QTMAN: variants seen among roughly 807,000 people sequenced by gnomAD.
QTMAN encodes queuosine-tRNA mannosyltransferase.
chr2:144,320,798 C>CA, the QTMAN span, among the ~76,000 whole-genome samples: 1 of 152,182 alleles, frequency 6.6e-6, no homozygotes, highest in African/African-American at 2.4e-5. Flanking sequence ...AGCCATCCTG[C>CA]ATGGTGGATT....
chr2:144,155,403 A>G, the QTMAN span, among the ~76,000 whole-genome samples: 1 of 152,202 alleles, frequency 6.6e-6, no homozygotes, highest in Non-Finnish European at 1.5e-5. Flanking sequence ...GGAACACTTC[A>G]TATGGTGTTT....
At chr2:144,171,389 G>C in the QTMAN span, among the ~76,000 whole-genome samples, 6 of 152,176 alleles carry the variant, frequency 3.9e-5, no homozygotes, top group South Asian at 1.2e-3. Flanking sequence ...TATGTCTTTT[G>C]TTTCTAATGC....
At chr2:144,189,440 A>G in the QTMAN span, among the ~76,000 whole-genome samples, 2 of 152,226 alleles carry the variant, frequency 1.3e-5, no homozygotes. Context: ...AATAACAACT[A>G]AGTGACTACA....
chr2:144,223,654 CTT>C, the QTMAN span, among the ~76,000 whole-genome samples: 1 of 152,084 alleles, frequency 6.6e-6, no homozygotes, highest in African/African-American at 2.4e-5. Flanking sequence ...CAATTATAGA[CTT>C]AAGATTTCTA....
chr2:143,987,549 C>A, the QTMAN span, among the ~76,000 whole-genome samples: 1 of 152,162 alleles, frequency 6.6e-6, no homozygotes, highest in East Asian at 1.9e-4. Flanking sequence ...ACTGCAATGA[C>A]TGGGGAGTTC....
the QTMAN span, among the ~76,000 whole-genome samples, chr2:144,019,966 C>T: frequency 6.6e-6 from 1 of 152,240 alleles, no homozygotes; most frequent in Middle Eastern, 3.4e-3. Flanking sequence ...AGTCAACAAG[C>T]GCTGTCTCTG....
chr2:143,976,220 C>T, the QTMAN span, among the ~76,000 whole-genome samples: 1 of 151,580 alleles, frequency 6.6e-6, no homozygotes, highest in Non-Finnish European at 1.5e-5. Flanking sequence ...AGAGGAAAAA[C>T]AGAGTTGGTG....
chr2:144,172,936 C>T, the QTMAN span, among the ~76,000 whole-genome samples: 1 of 152,050 alleles, frequency 6.6e-6, no homozygotes, highest in African/African-American at 2.4e-5. Flanking sequence ...AAGCTTCTTG[C>T]TTCTTTTCAA....
At chr2:144,249,256 CTCTT>C in the QTMAN span, among the ~76,000 whole-genome samples, 1 of 152,136 alleles carries the variant, frequency 6.6e-6, no homozygotes, top group Non-Finnish European at 1.5e-5. Context: ...AAAGGATTAA[CTCTT>C]TTCTGTATGA....
At chr2:144,162,671 G>A in the QTMAN span, among the ~76,000 whole-genome samples, 4 of 152,132 alleles carry the variant, frequency 2.6e-5, no homozygotes, top group African/African-American at 9.7e-5. Context: ...TGATCTCATG[G>A]CAACTGGCAA....
the QTMAN span, among the ~76,000 whole-genome samples, chr2:144,204,937 G>C: frequency 7.6e-6 from 1 of 131,978 alleles, no homozygotes; most frequent in African/African-American, 2.9e-5. Context: ...GGTGGGAATT[G>C]AACAATGAGA....
the QTMAN span, among the ~76,000 whole-genome samples, chr2:144,280,293 T>C: frequency 5.3e-5 from 8 of 152,152 alleles, no homozygotes; most frequent in Admixed American, 1.3e-4. Context: ...AATCCACCCA[T>C]ATACAGAAAT....
chr2:144,062,229 C>T, the QTMAN span, among the ~76,000 whole-genome samples: 1 of 152,216 alleles, frequency 6.6e-6, no homozygotes, highest in African/African-American at 2.4e-5. Context: ...ACTCACCCCG[C>T]CTCCTGCACC....
the QTMAN span, among the ~76,000 whole-genome samples, chr2:143,973,880 G>A: frequency 1.5e-3 from 225 of 152,050 alleles, no homozygotes; most frequent in African/African-American, 5.4e-3. Flanking sequence ...ATCAAGGCAC[G>A]GATGACATTC....
the QTMAN span, among the ~76,000 whole-genome samples, chr2:144,275,493 T>A: frequency 6.6e-6 from 1 of 152,112 alleles, no homozygotes. Context: ...ACCTATGCCA[T>A]CAGACTCAGA....
chr2:144,089,880 A>T, the QTMAN span, among the ~76,000 whole-genome samples: 1 of 152,010 alleles, frequency 6.6e-6, no homozygotes, highest in Non-Finnish European at 1.5e-5. Context: ...CTATATACTT[A>T]ACAAGAATAT....
the QTMAN span, among the ~76,000 whole-genome samples, chr2:144,300,252 T>C: frequency 2.6e-5 from 4 of 152,286 alleles, no homozygotes; most frequent in South Asian, 2.1e-4. Flanking sequence ...ATGGTAAAAA[T>C]AGTAAATTTT....
chr2:144,017,100 G>A, the QTMAN span, among the ~76,000 whole-genome samples: 2 of 151,928 alleles, frequency 1.3e-5, no homozygotes, highest in African/African-American at 4.8e-5. Flanking sequence ...TGCCTCCCGG[G>A]TTCAAGCAAT....
the QTMAN span, among the ~76,000 whole-genome samples, chr2:144,196,223 AC>A: frequency 6.6e-6 from 1 of 151,090 alleles, no homozygotes; most frequent in Non-Finnish European, 1.5e-5. Context: ...CCACACACAC[AC>A]ACACACACAC....
Sources: gnomAD v4.1 joint callset for allele counts (sites outside exome capture counted in the v4.1 genomes callset) on GRCh38, gnomAD v4.1.1 for gene constraint, MANE v1.5 for transcripts, NCBI Gene and HGNC (gene_info 2026-07-23, HGNC 2026-07-21) for gene names.